The following SLC12A8 variants were observed in gnomAD, a reference collection of about 807,000 sequenced individuals.
SLC12A8 encodes solute carrier family 12 member 8.
A neutral mutation model predicts 75.6 loss-of-function variants in SLC12A8; 69 were observed. That is an observed-to-expected ratio of 0.91 (90% CI 0.75 to 1.11). SLC12A8 has a LOEUF of 1.11. SLC12A8 is among the 50% of genes most tolerant of loss of function. The probability of loss-of-function intolerance (pLI) is 0.00; values close to 1 mark genes in which losing one functional copy is unlikely to be tolerated. For synonymous variants in SLC12A8, 365 were observed against 372.8 expected, an observed-to-expected ratio of 0.98 and a Z score of 0.24; for missense variants, 877 against 896.7, an observed-to-expected ratio of 0.98 and a Z score of 0.28.
At chr3:125,167,402 TCC>T (rs1262002794) in intron 5 of SLC12A8, among the ~76,000 whole-genome samples, 1 of 152,144 alleles carries the variant, frequency 6.6e-6, no homozygotes, top group African/African-American at 2.4e-5. Flanking sequence ...CATTTCAGCC[TCC>T]CAAAGTGCTG....
intron 5 of SLC12A8, chr3:125,154,706 C>T (rs974240312): frequency 1.3e-5 from 2 of 152,056 alleles, no homozygotes; most frequent in African/African-American, 4.8e-5. Context: ...ATAAATTAGG[C>T]ACAAGAAGAT....
chr3:125,135,847 T>G (rs993446885), intron 5 of SLC12A8, 65 bp from the exon 6 acceptor site: 9 of 907,672 alleles, frequency 9.9e-6, no homozygotes, highest in Non-Finnish European at 1.4e-5. Context: ...TTTCCCTAGA[T>G]TATGGTACTA....
intron 1 of SLC12A8, among the ~76,000 whole-genome samples, chr3:125,212,100 G>T (rs931780544): frequency 1.3e-5 from 2 of 152,078 alleles, no homozygotes; most frequent in Non-Finnish European, 2.9e-5. Context: ...AAGGAGGAAG[G>T]GGGAGGAAGA....
intron 5 of SLC12A8, among the ~76,000 whole-genome samples, chr3:125,173,551 A>G (rs971287958): frequency 1.3e-5 from 2 of 152,118 alleles, no homozygotes; most frequent in African/African-American, 4.8e-5. Context: ...CTAAATGTCA[A>G]ACAAAACTTC....
intron 4 of SLC12A8, among the ~76,000 whole-genome samples, chr3:125,186,893 G>GGCCACCTGGCT (rs536751863): frequency 6.6e-6 from 1 of 152,230 alleles, no homozygotes; most frequent in Non-Finnish European, 1.5e-5. Flanking sequence ...CCAGGGCCCA[G>GGCCACCTGGCT]GCCACCTGGC....
chr3:125,124,175 C>T (rs182857591), intron 6 of SLC12A8, among the ~76,000 whole-genome samples: 1 of 152,178 alleles, frequency 6.6e-6, no homozygotes, highest in African/African-American at 2.4e-5. Context: ...ACAGAGAAGC[C>T]AGAAAGTAGA....
chr3:125,185,686 C>T (rs1934765608), intron 4 of SLC12A8, among the ~76,000 whole-genome samples: 2 of 152,192 alleles, frequency 1.3e-5, no homozygotes, highest in Admixed American at 6.5e-5. Flanking sequence ...CAATATCCCT[C>T]ATGAATATAT....
intron 5 of SLC12A8, among the ~76,000 whole-genome samples, chr3:125,140,803 T>G (rs1372245531): frequency 6.6e-6 from 1 of 151,890 alleles, no homozygotes; most frequent in African/African-American, 2.4e-5. Context: ...CACTGCAACC[T>G]CAAACTCCCA....
At chr3:125,175,110 C>T (rs1934491338) in intron 5 of SLC12A8, among the ~76,000 whole-genome samples, 1 of 152,056 alleles carries the variant, frequency 6.6e-6, no homozygotes, top group African/African-American at 2.4e-5. Context: ...TAAAACTGCT[C>T]TAAAAGTGAA....
intron 4 of SLC12A8, among the ~76,000 whole-genome samples, chr3:125,184,159 C>G (rs1934724836): frequency 6.6e-6 from 1 of 151,954 alleles, no homozygotes; most frequent in African/African-American, 2.4e-5. Context: ...TTAGTAGAGA[C>G]AGGGTTTCAC....
Position 125,088,359 on chromosome 3 carries a change from T to C in SLC12A8, c.1933A>G (p.Asn645Asp). 6.2e-7 allele frequency: 1 copy of C among 1,614,192 alleles called. No homozygotes were observed. The highest frequency in any genetic ancestry group is 1.1e-5 in the South Asian group (1 of 91,080). ...SPGLHLGSAS[N>D]FSFFRWMRSL... ...CTCATCCACCGGAAAAAGCTGAAGT[T>C]GGAGGCTGATCCTGCAGGGAAGACA... The change falls in exon 13 of 14, where the codon AAC becomes GAC. Residue 645 changes from asparagine to aspartate, a missense_variant. Physicochemically the swap from Asn to Asp is conservative, Grantham distance 23. Coordinates refer to ENST00000469902, the MANE Select transcript of SLC12A8 (RefSeq NM_024628.6).
At chr3:125,133,482 C>T (rs1461075074) in intron 6 of SLC12A8, among the ~76,000 whole-genome samples, 1 of 151,966 alleles carries the variant, frequency 6.6e-6, no homozygotes, top group African/African-American at 2.4e-5. Flanking sequence ...AAGCAGTCCT[C>T]CTGTCACCCA....
intron 5 of SLC12A8, 115 bp from the exon 6 acceptor site, chr3:125,135,897 G>A (rs1405431631): frequency 1.0e-5 from 6 of 573,654 alleles, no homozygotes; most frequent in African/African-American, 1.9e-5. Flanking sequence ...GTAGGGGCAT[G>A]TATGTGACAC....
chr3:125,185,201 C>A (rs1359525925), intron 4 of SLC12A8, among the ~76,000 whole-genome samples: 1 of 151,878 alleles, frequency 6.6e-6, no homozygotes, highest in Non-Finnish European at 1.5e-5. Context: ...ATGCCTGTAA[C>A]CCCAGCTACT....
At chr3:125,170,509 A>G (rs1476323654) in intron 5 of SLC12A8, among the ~76,000 whole-genome samples, 2 of 152,246 alleles carry the variant, frequency 1.3e-5, no homozygotes, top group Non-Finnish European at 2.9e-5. Flanking sequence ...ATGATATGTT[A>G]AAGAGTGGGG....
chr3:125,193,595 G>A (rs552703720), intron 2 of SLC12A8, among the ~76,000 whole-genome samples: 2 of 152,328 alleles, frequency 1.3e-5, no homozygotes, highest in African/African-American at 4.8e-5. Context: ...CAGGCTGAGG[G>A]GCAGGACCAC....
intron 5 of SLC12A8, among the ~76,000 whole-genome samples, chr3:125,161,072 C>A (rs1934157987): frequency 2.0e-5 from 3 of 152,220 alleles, no homozygotes; most frequent in African/African-American, 7.2e-5. Flanking sequence ...TCTATCATCC[C>A]AAACTGACTT....
intron 3 of SLC12A8, among the ~76,000 whole-genome samples, chr3:125,189,197 A>G (rs1414874157): frequency 6.6e-6 from 1 of 152,228 alleles, no homozygotes; most frequent in African/African-American, 2.4e-5. Context: ...TGGTTTCCCA[A>G]AGAGGAAGGA....
intron 4 of SLC12A8, among the ~76,000 whole-genome samples, chr3:125,181,419 G>A (rs980076436): frequency 6.7e-6 from 1 of 149,892 alleles, no homozygotes; most frequent in African/African-American, 2.4e-5. Flanking sequence ...GGCTAACAAG[G>A]TGAAACCCCG....
Sources: gnomAD v4.1 joint callset for allele counts (sites outside exome capture counted in the v4.1 genomes callset) on GRCh38, gnomAD v4.1.1 for gene constraint, MANE v1.5 for transcripts, NCBI Gene and HGNC (gene_info 2026-07-23, HGNC 2026-07-21) for gene names.